Variants in EIF4G3 observed in about 807,000 individuals in gnomAD.
EIF4G3 encodes eukaryotic translation initiation factor 4 gamma 3.
EIF4G3 carries 34 observed loss-of-function variants against 186.4 expected under a neutral mutation model. The ratio of observed to expected loss-of-function variants is 0.18; its 90% CI spans 0.14 to 0.24. The LOEUF is 0.24. Among genes scored for constraint, EIF4G3 ranks in the 10% least tolerant of loss-of-function variants. The pLI, the probability that EIF4G3 is intolerant of heterozygous loss-of-function variation, is 1.00. For synonymous variants in EIF4G3, 673 were observed against 679.5 expected, an observed-to-expected ratio of 0.99 and a Z score of 0.15; for missense variants, 1,536 against 1,948.5, an observed-to-expected ratio of 0.79 and a Z score of 3.99.
intron 13 of EIF4G3, among the ~76,000 whole-genome samples, chr1:20,945,926 A>G (rs995741456): frequency 2.0e-5 from 3 of 152,222 alleles, no homozygotes; most frequent in African/African-American, 7.2e-5. Flanking sequence ...CTGAGTAATC[A>G]GACACATACT....
chr1:20,817,284 A>AT (rs71014118), intron 34 of EIF4G3, 108 bp downstream of exon 34: 8,749 of 384,220 alleles, frequency 0.023, 108 homozygotes, highest in Admixed American at 0.032. Context: ...AAATAAAAAA[A>AT]AATAAAAATA....
chr1:21,044,177 C>T (rs2093741756), intron 4 of EIF4G3, among the ~76,000 whole-genome samples: 2 of 152,038 alleles, frequency 1.3e-5, no homozygotes, highest in South Asian at 4.2e-4. Flanking sequence ...ACAAATCCTC[C>T]ATTTGGTTTT....
chr1:21,107,525 T>C (rs796413693), intron 2 of EIF4G3, among the ~76,000 whole-genome samples: 1 of 152,308 alleles, frequency 6.6e-6, no homozygotes, highest in African/African-American at 2.4e-5. Context: ...ACAAGTTGTA[T>C]TGGCTAAGAG....
At chr1:21,054,048 G>C (rs1339504882) in intron 3 of EIF4G3, among the ~76,000 whole-genome samples, 1 of 152,200 alleles carries the variant, frequency 6.6e-6, no homozygotes, top group Admixed American at 6.5e-5. Context: ...GTGGGGAAAA[G>C]ATTGAGAAAT....
Position 20,941,553 on chromosome 1 carries a change from T to G in EIF4G3, c.1601A>C (p.Asp534Ala). The G allele has an allele frequency of 7.4e-6, 12 of 1,613,592 alleles. No homozygotes were observed. Among genetic ancestry groups the G allele is most frequent in the Middle Eastern group, 3.3e-4 (2 of 6,056 alleles). Residue 534 changes from aspartate to alanine, a missense_variant, in exon 14 of 37, where the codon GAT becomes GCT. By Grantham distance (126) the Asp-to-Ala change is moderately radical. This residue lies in a region of EIF4G3 where 560 missense variants were observed against 547.8 expected (regional missense o/e 1.02). Transcript: ENST00000602326. ...ATCCAAAATCTCTTCTGTTTGCCCATCTGCTTCTACCTCTATTTTGTTCTG... is the reference window on the plus strand; with the variant it reads ...ATCCAAAATCTCTTCTGTTTGCCCAGCTGCTTCTACCTCTATTTTGTTCTG... ...EIQNKIEVEA[D>A]GQTEEILDSQ...
intron 2 of EIF4G3, among the ~76,000 whole-genome samples, chr1:21,163,910 T>C (rs1161657208): frequency 6.6e-6 from 1 of 152,146 alleles, no homozygotes; most frequent in Non-Finnish European, 1.5e-5. Flanking sequence ...TAGCTGGGAT[T>C]ACAAGCACGT....
At chr1:20,838,493 T>C (rs2067424184) in intron 30 of EIF4G3, among the ~76,000 whole-genome samples, 1 of 152,138 alleles carries the variant, frequency 6.6e-6, no homozygotes. Context: ...ATTGTGAGGG[T>C]GTACATACCT....
At chr1:20,885,931 A>G (rs2083982254) in intron 19 of EIF4G3, among the ~76,000 whole-genome samples, 1 of 152,220 alleles carries the variant, frequency 6.6e-6, no homozygotes, top group African/African-American at 2.4e-5. Flanking sequence ...AAGAAAAGCA[A>G]ATATTAACTT....
intron 20 of EIF4G3, among the ~76,000 whole-genome samples, chr1:20,875,123 T>TG (rs35634943): frequency 0.95 from 143,803 of 152,150 alleles, 68,458 homozygotes; most frequent in Middle Eastern, 1. Context: ...GGACTACAGG[T>TG]GGACTACTAT....
At chr1:20,817,314 G>C (rs2061334500) in intron 34 of EIF4G3, 78 bp downstream of exon 34, 1 of 850,342 alleles carries the variant, frequency 1.2e-6, no homozygotes, top group Non-Finnish European at 1.7e-6. Flanking sequence ...GAAGTGAACT[G>C]ATAGGTAAGC....
intron 7 of EIF4G3, among the ~76,000 whole-genome samples, chr1:20,987,326 A>G (rs571118501): frequency 7.9e-5 from 12 of 152,362 alleles, no homozygotes; most frequent in African/African-American, 2.9e-4. Flanking sequence ...ATTTAATCAC[A>G]TTAGATATTC....
chr1:20,986,749 A>G (rs2079607991), intron 7 of EIF4G3, among the ~76,000 whole-genome samples: 2 of 63,798 alleles, frequency 3.1e-5, no homozygotes, highest in Admixed American at 1.5e-4. Context: ...GTCTCCAAAA[A>G]AAAAAAAAAA....
chr1:21,004,776 C>A (rs2084566474), intron 4 of EIF4G3, among the ~76,000 whole-genome samples: 1 of 151,546 alleles, frequency 6.6e-6, no homozygotes, highest in Non-Finnish European at 1.5e-5. Flanking sequence ...TTCCAAATAA[C>A]AAAACAAAAT....
chr1:20,937,147 C>T (rs998763256), intron 14 of EIF4G3, among the ~76,000 whole-genome samples: 14 of 152,214 alleles, frequency 9.2e-5, no homozygotes, highest in Non-Finnish European at 2.1e-4. Context: ...CTGAGACTCC[C>T]AAATGGGTGA....
At chr1:20,864,250 A>C (rs921983502) in intron 22 of EIF4G3, among the ~76,000 whole-genome samples, 2 of 152,210 alleles carry the variant, frequency 1.3e-5, no homozygotes, top group African/African-American at 2.4e-5. Flanking sequence ...AATAATCTGA[A>C]GAATCTACAA....
chr1:20,873,370 T>C (rs138087483), intron 20 of EIF4G3, among the ~76,000 whole-genome samples: 2 of 152,362 alleles, frequency 1.3e-5, no homozygotes, highest in African/African-American at 2.4e-5. Flanking sequence ...ATTGGTTGTG[T>C]ATATACCTAA....
chr1:21,079,844 A>T (rs2095709783), intron 3 of EIF4G3, among the ~76,000 whole-genome samples: 2 of 151,960 alleles, frequency 1.3e-5, no homozygotes, highest in African/African-American at 4.8e-5. Context: ...CATCTCTACA[A>T]AAATTTTAAA....
At chr1:21,105,077 G>A (rs547593074) in intron 2 of EIF4G3, among the ~76,000 whole-genome samples, 35 of 152,304 alleles carry the variant, frequency 2.3e-4, no homozygotes, top group South Asian at 4.1e-4. Context: ...AGTGGAGAGT[G>A]AGGGTTGAAA....
At chr1:20,876,042 C>G (rs1172980539) in intron 20 of EIF4G3, among the ~76,000 whole-genome samples, 2 of 151,406 alleles carry the variant, frequency 1.3e-5, no homozygotes, top group Non-Finnish European at 2.9e-5. Context: ...GACAACATGG[C>G]GAAACCCCAA....
Sources: gnomAD v4.1 joint callset for allele counts (sites outside exome capture counted in the v4.1 genomes callset) on GRCh38, gnomAD v4.1.1 for gene constraint, gnomAD v4.1.1 regional missense constraint, MANE v1.5 for transcripts, NCBI Gene and HGNC (gene_info 2026-07-23, HGNC 2026-07-21) for gene names.